UBR3: variants seen among roughly 807,000 people sequenced by gnomAD.
UBR3 encodes the protein E3 ubiquitin-protein ligase UBR3.
UBR3 carries 85 observed loss-of-function variants against 243.2 expected under a neutral mutation model. That is an observed-to-expected ratio of 0.35 (90% CI 0.29 to 0.42). The LOEUF (loss-of-function observed/expected upper bound fraction) is 0.42. Ranked by LOEUF, UBR3 falls within the 10% of genes least tolerant of loss-of-function variation. UBR3 has a pLI of 1.00. For synonymous variants in UBR3, 748 were observed against 799.8 expected, an observed-to-expected ratio of 0.94 and a Z score of 1.09; for missense variants, 1,686 against 2,300.8, an observed-to-expected ratio of 0.73 and a Z score of 5.47.
At chr2:169,999,606 C>T (rs2089618208) in intron 26 of UBR3, among the ~76,000 whole-genome samples, 1 of 152,174 alleles carries the variant, frequency 6.6e-6, no homozygotes, top group African/African-American at 2.4e-5. Flanking sequence ...CTTGTGCCTT[C>T]ATATTGCTCT....
intron 26 of UBR3, among the ~76,000 whole-genome samples, chr2:169,998,032 A>G (rs2089561438): frequency 6.6e-6 from 1 of 151,798 alleles, no homozygotes; most frequent in South Asian, 2.1e-4. Context: ...TCCTGCCACT[A>G]TCAATAATCC....
intron 1 of UBR3, among the ~76,000 whole-genome samples, chr2:169,856,684 C>G (rs1361541771): frequency 2.0e-5 from 3 of 152,250 alleles, no homozygotes; most frequent in Non-Finnish European, 4.4e-5. Context: ...ATACAAAAAC[C>G]AGTCAGGCAT....
intron 5 of UBR3, among the ~76,000 whole-genome samples, chr2:169,888,404 G>C (rs1318504277): frequency 6.6e-6 from 1 of 152,118 alleles, no homozygotes; most frequent in Non-Finnish European, 1.5e-5. Flanking sequence ...CTCCCAAAGT[G>C]CTGGGATTAC....
rs575417438 is a variant in UBR3, at chr2:170,006,843, A to T, written c.4030-147A>T. The T allele has an allele frequency of 7.2e-6, 5 of 692,510 alleles. No individual in the cohort carries two copies. The African/African-American group carries it at 9.0e-5, about 12-fold the overall frequency. The allele number at this position is 692,510 out of a possible 1,614,324, so 42.9% of individuals were successfully genotyped here. Reference sequence around the variant, plus strand: ...GTGATTTGGTGAACTTTAACAGTTAAATGAAGGATTTTGTTTATTTCTTTA... The same window carrying T: ...GTGATTTGGTGAACTTTAACAGTTATATGAAGGATTTTGTTTATTTCTTTA... On this transcript the variant is annotated intron_variant, in intron 27 of 38. Transcript: ENST00000272793.
Position 169,958,351 on chromosome 2 carries a change from G to A in UBR3, c.3546-87G>A. The A allele has an allele frequency of 4.4e-6, 5 of 1,141,012 alleles. No individual in the cohort carries two copies. In the South Asian group the frequency reaches 7.4e-5, roughly 17 times the overall value. 70.7% of individuals were successfully genotyped at this position (1,141,012 alleles called of 1,614,324 possible). A position where few individuals can be genotyped will look rare whatever the true frequency, so the allele number is the denominator to read the frequency against. ...GATTGTTCTCACCTGTGTGCCAGGG[G>A]CTTTTCATACATTATATACTCCTGA... is the stretch of plus-strand genomic sequence containing the variant. On this transcript the variant is annotated intron_variant, in intron 23 of 38. Transcript: ENST00000272793.
At chr2:169,923,863 T>A in intron 11 of UBR3, 66 bp from the exon 12 acceptor site, 5 of 1,350,036 alleles carry the variant, frequency 3.7e-6, no homozygotes, top group Non-Finnish European at 5.0e-6. Flanking sequence ...GTTTAAACAT[T>A]TTACAACCAT....
chr2:169,906,269 A>G, intron 10 of UBR3, 105 bp downstream of exon 10: 2 of 1,299,336 alleles, frequency 1.5e-6, no homozygotes, highest in South Asian at 1.7e-5. Context: ...TTTTGTTTCA[A>G]ATTGAATTCA....
chr2:169,836,021 CTCTCTCTCTCTCTCTCTCTCTCTA>C (rs1472124390), intron 1 of UBR3, among the ~76,000 whole-genome samples: 33 of 28,598 alleles, frequency 1.2e-3, no homozygotes, highest in East Asian at 2.0e-3. Context: ...CTCTCTCTCT[CTCTCTCTCTCTCTCTCTCTCTCTA>C]TATATATATA....
intron 29 of UBR3, among the ~76,000 whole-genome samples, chr2:170,009,819 T>G (rs1209567345): frequency 6.6e-6 from 1 of 152,136 alleles, no homozygotes; most frequent in Non-Finnish European, 1.5e-5. Context: ...TTTTTTCAAT[T>G]GCTATCTTCC....
At position 170,007,176 on chromosome 2, in the gene UBR3, C is replaced by T; in HGVS notation, c.4216C>T (p.Pro1406Ser). The change falls in exon 28 of 39, where the codon CCG becomes TCG. Residue 1406 changes from proline to serine, a missense_variant. Physicochemically the swap from Pro to Ser is moderately conservative, Grantham distance 74. This residue lies in a region of UBR3 where 371 missense variants were observed against 422.5 expected (regional missense o/e 0.88). Coordinates refer to ENST00000272793, the MANE Select transcript of UBR3 (RefSeq NM_172070.4). Reference sequence around the variant, plus strand: ...GGAAGTGGAGGAGCTGCAGGGACGACCGGGAGCTTTCCCAGTAAGCATCAG... The same window carrying T: ...GGAAGTGGAGGAGCTGCAGGGACGATCGGGAGCTTTCCCAGTAAGCATCAG... ...IKEVEELQGRPGAFPSETNLS... is the reference protein window; with the variant it reads ...IKEVEELQGRSGAFPSETNLS... 1 of 1,601,684 alleles carries T rather than the reference C, an allele frequency of 6.2e-7. No homozygotes were observed.
chr2:169,913,147 A>G (rs555842449), intron 10 of UBR3, among the ~76,000 whole-genome samples: 16 of 152,214 alleles, frequency 1.1e-4, no homozygotes, highest in East Asian at 1.9e-4. Context: ...GAGGATTCCA[A>G]TTTCTCTACA....
chr2:169,914,002 A>G (rs1574188190), intron 10 of UBR3, 58 bp from the exon 11 acceptor site: 1 of 760,850 alleles, frequency 1.3e-6, no homozygotes. Flanking sequence ...ATATAATTTA[A>G]TGTTGAAAAT....
chr2:169,896,123 A>C (rs2084578556), intron 7 of UBR3, among the ~76,000 whole-genome samples: 2 of 152,100 alleles, frequency 1.3e-5, no homozygotes, highest in Non-Finnish European at 2.9e-5. Flanking sequence ...CCCCATCTCT[A>C]CTGAAAATAC....
intron 1 of UBR3, among the ~76,000 whole-genome samples, chr2:169,855,587 C>T (rs2082812853): frequency 1.3e-5 from 2 of 152,124 alleles, no homozygotes; most frequent in East Asian, 3.9e-4. Context: ...ATCTGTTTAA[C>T]AAAGCACATC....
At chr2:169,847,001 G>A (rs1400395915) in intron 1 of UBR3, among the ~76,000 whole-genome samples, 1 of 152,084 alleles carries the variant, frequency 6.6e-6, no homozygotes, top group African/African-American at 2.4e-5. Flanking sequence ...GCCTTTCAAA[G>A]TGCTGGGATT....
intron 25 of UBR3, among the ~76,000 whole-genome samples, chr2:169,988,479 C>T (rs538895275): frequency 6.6e-6 from 1 of 152,206 alleles, no homozygotes; most frequent in Admixed American, 6.5e-5. Flanking sequence ...CTGTAGCTGC[C>T]TTATCCCTTA....
At chr2:170,012,514 T>C (rs2105408817) in intron 29 of UBR3, among the ~76,000 whole-genome samples, 1 of 152,266 alleles carries the variant, frequency 6.6e-6, no homozygotes, top group East Asian at 1.9e-4. Flanking sequence ...AAAAATATCA[T>C]ATAGAGAAAG....
At chr2:170,040,072 C>A (rs765908886) in intron 31 of UBR3, among the ~76,000 whole-genome samples, 5 of 151,820 alleles carry the variant, frequency 3.3e-5, no homozygotes, top group Admixed American at 6.6e-5. Flanking sequence ...TTGGTTATCT[C>A]TTTTTGAAAC....
intron 20 of UBR3, among the ~76,000 whole-genome samples, chr2:169,944,036 A>AG (rs1456440289): frequency 6.6e-6 from 1 of 152,170 alleles, no homozygotes; most frequent in Non-Finnish European, 1.5e-5. Context: ...AACTTCCAAG[A>AG]GGGTTATTCA....
Sources: gnomAD v4.1 joint callset for allele counts (sites outside exome capture counted in the v4.1 genomes callset) on GRCh38, gnomAD v4.1.1 for gene constraint, gnomAD v4.1.1 regional missense constraint, MANE v1.5 for transcripts, NCBI Gene and HGNC (gene_info 2026-07-23, HGNC 2026-07-21) for gene names.